The following STK32B variants were observed in gnomAD, a reference collection of about 807,000 sequenced individuals.
STK32B encodes the protein serine/threonine-protein kinase 32B.
STK32B carries 43 observed loss-of-function variants against 52.6 expected under a neutral mutation model. That is an observed-to-expected ratio of 0.82 (90% CI 0.64 to 1.05). The LOEUF (loss-of-function observed/expected upper bound fraction) is 1.05. Among genes scored for constraint, STK32B ranks in the 50% least tolerant of loss-of-function variants. The probability of loss-of-function intolerance (pLI) is 0.00; values close to 1 mark genes in which losing one functional copy is unlikely to be tolerated. For missense variants in STK32B, 621 were observed against 534.6 expected (o/e 1.16, Z -1.59); for synonymous variants, 238 against 204.3 (o/e 1.17, Z -1.41).
chr4:5,158,924 A>C (rs1718086636), intron 2 of STK32B, among the ~76,000 whole-genome samples: 1 of 152,100 alleles, frequency 6.6e-6, no homozygotes, highest in Non-Finnish European at 1.5e-5. Flanking sequence ...GCAGCATATG[A>C]ATTTGGGGGA....
chr4:5,372,513 ATCC>A (rs879409873), intron 4 of STK32B, among the ~76,000 whole-genome samples: 1 of 152,142 alleles, frequency 6.6e-6, no homozygotes, highest in Non-Finnish European at 1.5e-5. Context: ...CAATATTACC[ATCC>A]TATTAAGGAA....
intron 3 of STK32B, among the ~76,000 whole-genome samples, chr4:5,244,858 T>A (rs180893896): frequency 3.0e-4 from 45 of 152,304 alleles, no homozygotes; most frequent in African/African-American, 1.1e-3. Context: ...CAGGAGCAGG[T>A]TGTTAAGTTT....
intron 3 of STK32B, among the ~76,000 whole-genome samples, chr4:5,193,356 A>G (rs1238521534): frequency 6.6e-6 from 1 of 152,150 alleles, no homozygotes; most frequent in Non-Finnish European, 1.5e-5. Context: ...GTGAACCGGT[A>G]CCTCAGCTTA....
intron 3 of STK32B, among the ~76,000 whole-genome samples, chr4:5,258,069 G>A (rs1180011649): frequency 6.6e-6 from 1 of 152,242 alleles, no homozygotes; most frequent in Non-Finnish European, 1.5e-5. Flanking sequence ...CTCTGTGCCT[G>A]TGGATGGCTC....
chr4:5,240,296 TC>T (rs918275021), intron 3 of STK32B, among the ~76,000 whole-genome samples: 1 of 152,212 alleles, frequency 6.6e-6, no homozygotes, highest in Non-Finnish European at 1.5e-5. Flanking sequence ...TCTTTTTTTT[TC>T]TGCTTTTTTC....
chr4:5,130,858 G>T (rs2108820996), intron 1 of STK32B, among the ~76,000 whole-genome samples: 1 of 152,262 alleles, frequency 6.6e-6, no homozygotes, highest in South Asian at 2.1e-4. Context: ...TCATGCCACT[G>T]TTGAAGATTT....
rs1577610215 is a variant in STK32B, at chr4:5,051,861, A to C, written c.-3A>C. ...CATGTAGCAGCGGCAGCAACGGCGG[A>C]ATATGGGCGGGAACCACTCCCACAA... is the stretch of plus-strand genomic sequence containing the variant. On this transcript the variant is annotated 5_prime_UTR_variant, in exon 1 of 12. Transcript: ENST00000282908. 2 of 1,597,738 alleles carry C rather than the reference A, an allele frequency of 1.3e-6. No individual in the cohort carries two copies. Among genetic ancestry groups the C allele is most frequent in the Non-Finnish European group, 1.7e-6 (2 of 1,172,880 alleles).
chr4:5,230,178 C>CTTTTTTTTTTTTTTT lies in STK32B; in HGVS notation c.260+61745_260+61759dup, dbSNP rs752036100. Among the ~76,000 whole-genome samples the CTTTTTTTTTTTTTTT allele has an allele frequency of 1.0e-3, 73 of 71,124 alleles. 4 individuals carry two copies. Among genetic ancestry groups the CTTTTTTTTTTTTTTT allele is most frequent in the Non-Finnish European group, 1.2e-3 (53 of 42,470 alleles). The allele number at this position is 71,124 out of a possible 152,430, so 46.7% of individuals were successfully genotyped here. A position where few individuals can be genotyped will look rare whatever the true frequency, so the allele number is the denominator to read the frequency against. Reference sequence around the variant, plus strand: ...AGAAGAACACTCAAGCATGCATTCCCTTTTTTTTTTTTTTTTTTTTTTTTT... The same window carrying CTTTTTTTTTTTTTTT: ...AGAAGAACACTCAAGCATGCATTCCCTTTTTTTTTTTTTTTTTTTTTTTTTTTTTTTTTTTTTTTT... On this transcript the variant is annotated intron_variant, in intron 3 of 11. Coordinates refer to ENST00000282908, the MANE Select transcript of STK32B (RefSeq NM_018401.3).
chr4:5,436,818 C>T (rs2109100411), intron 6 of STK32B, among the ~76,000 whole-genome samples: 1 of 151,734 alleles, frequency 6.6e-6, no homozygotes, highest in African/African-American at 2.4e-5. Context: ...TCTTCCTCCT[C>T]AGGCCCAGTG....
intron 4 of STK32B, among the ~76,000 whole-genome samples, chr4:5,357,120 C>T (rs900183692): frequency 6.6e-6 from 1 of 151,850 alleles, no homozygotes; most frequent in Non-Finnish European, 1.5e-5. Context: ...CATATATATA[C>T]ACACACCTTG....
intron 4 of STK32B, among the ~76,000 whole-genome samples, chr4:5,364,695 A>G (rs905184846): frequency 6.6e-6 from 1 of 152,048 alleles, no homozygotes; most frequent in African/African-American, 2.4e-5. Flanking sequence ...TTCAGTAGGG[A>G]GAGGGATCCC....
intron 3 of STK32B, among the ~76,000 whole-genome samples, chr4:5,315,859 C>G (rs961823017): frequency 2.7e-5 from 4 of 150,858 alleles, no homozygotes; most frequent in Admixed American, 1.3e-4. Flanking sequence ...TGCATGCCAC[C>G]ACGCCCAGCT....
chr4:5,191,181 G>A (rs1028980388), intron 3 of STK32B, among the ~76,000 whole-genome samples: 26 of 151,980 alleles, frequency 1.7e-4, no homozygotes, highest in African/African-American at 6.0e-4. Flanking sequence ...GGTCCAGGAA[G>A]TTCCTTAGGG....
rs1721175191 is a variant in STK32B, at chr4:5,191,214, G to A, written c.260+22764G>A. On this transcript the variant is annotated intron_variant, in intron 3 of 11. Transcript: ENST00000282908. Reference sequence around the variant, plus strand: ...GGGTCACTTGGGGGCTAATGGGGTTGAGTTTGTGGACCAGGCCTCTGCCTT... The same window carrying A: ...GGGTCACTTGGGGGCTAATGGGGTTAAGTTTGTGGACCAGGCCTCTGCCTT... 2.6e-5 allele frequency among the ~76,000 whole-genome samples: 4 copies of A among 151,982 alleles called. No individual in the cohort carries two copies. The South Asian group carries it at 8.3e-4, about 32-fold the overall frequency.
chr4:5,148,175 G>C (rs1717063560), intron 2 of STK32B, among the ~76,000 whole-genome samples: 1 of 151,706 alleles, frequency 6.6e-6, no homozygotes, highest in Admixed American at 6.6e-5. Flanking sequence ...TGGCAAATTT[G>C]TTGGCACAAA....
intron 4 of STK32B, among the ~76,000 whole-genome samples, chr4:5,336,770 G>A (rs1732729790): frequency 6.6e-6 from 1 of 152,030 alleles, no homozygotes; most frequent in South Asian, 2.1e-4. Flanking sequence ...AAACATAGAG[G>A]AAGAAATCAT....
chr4:5,239,221 T>C (rs1724832939), intron 3 of STK32B, among the ~76,000 whole-genome samples: 1 of 152,020 alleles, frequency 6.6e-6, no homozygotes, highest in African/African-American at 2.4e-5. Context: ...GGTTTCATTC[T>C]GGGAGGCCAC....
At chr4:5,166,073 G>A (rs928862729) in intron 2 of STK32B, among the ~76,000 whole-genome samples, 3 of 152,132 alleles carry the variant, frequency 2.0e-5, no homozygotes, top group African/African-American at 4.8e-5. Flanking sequence ...TTCTGCCATC[G>A]TCCTGTATCT....
rs570241863 is a variant in STK32B at position 5,370,996 on chromosome 4, G to GTGTGTGTGTATA, written c.435-27210_435-27209insGTGTGTGTATAT. Among the ~76,000 whole-genome samples the GTGTGTGTGTATA allele has an allele frequency of 3.1e-3, 429 of 140,190 alleles. 1 individual carries two copies. The highest frequency in any genetic ancestry group is 0.015 in the Middle Eastern group (4 of 270). The allele number at this position is 140,190 out of a possible 152,430, so 92.0% of individuals were successfully genotyped here. A position where few individuals can be genotyped will look rare whatever the true frequency, so the allele number is the denominator to read the frequency against. ...TAAATATATATATATGTGTGTGTGTGTATATATATATATATGTATATATAT... is the reference window on the plus strand; with the variant it reads ...TAAATATATATATATGTGTGTGTGTGTGTGTGTGTATATATATATATATATATGTATATATAT... On this transcript the variant is annotated intron_variant, in intron 4 of 11. Transcript: ENST00000282908.
Sources: allele counts gnomAD v4.1 joint callset (sites outside exome capture counted in the v4.1 genomes callset), GRCh38; gene constraint gnomAD v4.1.1; transcripts MANE v1.5; gene names NCBI Gene and HGNC (gene_info 2026-07-23, HGNC 2026-07-21).